Variants in PIAS1 observed in about 807,000 individuals in gnomAD.
PIAS1 encodes the protein E3 SUMO-protein ligase PIAS1.
PIAS1 carries 6 observed loss-of-function variants against 71.3 expected under a neutral mutation model. That is an observed-to-expected ratio of 0.08 (90% CI 0.05 to 0.17). The LOEUF (loss-of-function observed/expected upper bound fraction) is 0.17, where lower values mean the gene tolerates loss of function less well. Ranked by LOEUF, PIAS1 falls within the 10% of genes least tolerant of loss-of-function variation. PIAS1 has a pLI of 1.00. For synonymous variants in PIAS1, 303 were observed against 292.9 expected, an observed-to-expected ratio of 1.03 and a Z score of -0.35; for missense variants, 555 against 793.6, an observed-to-expected ratio of 0.70 and a Z score of 3.61.
chr15:68,059,732 AAAG>A (rs908846576), intron 1 of PIAS1, among the ~76,000 whole-genome samples: 2 of 150,138 alleles, frequency 1.3e-5, no homozygotes, highest in African/African-American at 4.9e-5. Context: ...AAAAAAAAAG[AAAG>A]CAATACAAAT....
Position 68,167,243 on chromosome 15 carries a change from T to C in PIAS1, c.1008+2439T>C, listed in dbSNP as rs755670697. ...TGTAAAATGTATAATTATAATACTT[T>C]CATGGGTTTCTATTTGGCTAAAGGG... On this transcript the variant is annotated intron_variant, in intron 8 of 13. Transcript: ENST00000249636. The surrounding 1 kb of genome is among the most constrained non-coding windows in gnomAD (Gnocchi z 4.4). 6.6e-6 allele frequency among the ~76,000 whole-genome samples: 1 copy of C among 152,168 alleles called. No individual in the cohort carries two copies. The highest frequency in any genetic ancestry group is 1.5e-5 in the Non-Finnish European group (1 of 68,026).
At chr15:68,141,542 A>G (rs1284112884) in intron 2 of PIAS1, among the ~76,000 whole-genome samples, 1 of 152,192 alleles carries the variant, frequency 6.6e-6, no homozygotes, top group Non-Finnish European at 1.5e-5. Context: ...TCACCTGTCT[A>G]GCTCTCAAGG....
rs947749341 is a variant in PIAS1, at chr15:68,193,258, T to G, written c.*5423T>G. ...TCTTGAGCTCTGCAAGGCCAGTCAA[T>G]TTAGCAGCTCACATCTGGTTTCCTT... On this transcript the variant is annotated 3_prime_UTR_variant, in exon 14 of 14. Transcript: ENST00000249636. 3 of 152,258 alleles carry G rather than the reference T, an allele frequency of 2.0e-5. No individual in the cohort carries two copies. Among genetic ancestry groups the G allele is most frequent in the African/African-American group, 7.2e-5 (3 of 41,432 alleles). 9.4% of individuals were successfully genotyped at this position (152,258 alleles called of 1,614,324 possible).
In PIAS1 at chr15:68,190,900, A is replaced by G. The variant is rs1270016038; in HGVS notation, c.*3065A>G. ...ATTCACGTAAGCTCTGAAAAATCGGATTCTTTGGCAGATTTTCCTTTGAGT... is the reference window on the plus strand; with the variant it reads ...ATTCACGTAAGCTCTGAAAAATCGGGTTCTTTGGCAGATTTTCCTTTGAGT... On this transcript the variant is annotated 3_prime_UTR_variant, in exon 14 of 14. Transcript: ENST00000249636. The surrounding 1 kb of genome is among the most constrained non-coding windows in gnomAD (Gnocchi z 4.7). 1 of 152,182 alleles carries G rather than the reference A, an allele frequency of 6.6e-6. No individual in the cohort carries two copies. Among genetic ancestry groups the G allele is most frequent in the Non-Finnish European group, 1.5e-5 (1 of 68,014 alleles). 9.4% of individuals were successfully genotyped at this position (152,182 alleles called of 1,614,324 possible). A position where few individuals can be genotyped will look rare whatever the true frequency, so the allele number is the denominator to read the frequency against.
At position 68,141,179 on chromosome 15, in the gene PIAS1, A is replaced by G. The variant is rs2092767250; in HGVS notation, c.470-767A>G. ...GTGCCACTGTACTCCAGCCTGGGCA[A>G]CAGAGCAAGACCCTGTCTCTTAAAA... On this transcript the variant is annotated intron_variant, in intron 2 of 13. Transcript: ENST00000249636. 2.0e-5 allele frequency among the ~76,000 whole-genome samples: 3 copies of G among 152,222 alleles called. No homozygotes were observed. In the South Asian group the frequency reaches 6.2e-4, roughly 32 times the overall value.
At chr15:68,181,732 G>A in intron 12 of PIAS1, 1 of 170,746 alleles carries the variant, frequency 5.9e-6, no homozygotes, top group Non-Finnish European at 1.3e-5. Context: ...CTGGAGTGCG[G>A]TGGCACGATC....
chr15:68,054,617 A>G lies in PIAS1; in HGVS notation c.24+267A>G. Reference sequence around the variant, plus strand: ...TGGCGGGGGTGGCGGGGGAAGAGATAGGGAGTCCGGAGGTAGGGGCTGCAG... The same window carrying G: ...TGGCGGGGGTGGCGGGGGAAGAGATGGGGAGTCCGGAGGTAGGGGCTGCAG... On this transcript the variant is annotated intron_variant, in intron 1 of 13. Coordinates refer to ENST00000249636, the MANE Select transcript of PIAS1 (RefSeq NM_016166.3). This position sits in a 1 kb window ranked among gnomAD's most constrained non-coding sequence, Gnocchi z 4.6. 2.5e-6 allele frequency: 1 copy of G among 395,142 alleles called. No homozygotes were observed. The highest frequency in any genetic ancestry group is 4.3e-5 in the East Asian group (1 of 23,480). The allele number at this position is 395,142 out of a possible 1,614,324, so 24.5% of individuals were successfully genotyped here.
At chr15:68,063,179 C>T (rs1419583479) in intron 1 of PIAS1, among the ~76,000 whole-genome samples, 1 of 152,276 alleles carries the variant, frequency 6.6e-6, no homozygotes, top group African/African-American at 2.4e-5. Flanking sequence ...TCTGGCAGTG[C>T]TCAGCCAAAG....
intron 12 of PIAS1, among the ~76,000 whole-genome samples, chr15:68,182,424 T>TTGTGTGTG (rs1567080853): frequency 3.1e-5 from 2 of 63,770 alleles, no homozygotes; most frequent in East Asian, 1.0e-3. Flanking sequence ...AAGTTACAGC[T>TTGTGTGTG]AGTGTGTGTG....
At chr15:68,124,427 G>A (rs1220957014) in intron 2 of PIAS1, among the ~76,000 whole-genome samples, 6 of 143,232 alleles carry the variant, frequency 4.2e-5, no homozygotes, top group Admixed American at 3.6e-4. Flanking sequence ...TTCATTCAAA[G>A]TTATAAATGA....
intron 1 of PIAS1, among the ~76,000 whole-genome samples, chr15:68,066,510 C>G (rs1567024623): frequency 6.6e-6 from 1 of 152,180 alleles, no homozygotes; most frequent in African/African-American, 2.4e-5. Context: ...GAGCTTAGCT[C>G]TTACCAAATA....
chr15:68,064,483 C>T (rs1430593450), intron 1 of PIAS1, among the ~76,000 whole-genome samples: 3 of 152,072 alleles, frequency 2.0e-5, no homozygotes, highest in Admixed American at 2.0e-4. Flanking sequence ...CAAAATCATG[C>T]CTGGATAAAA....
At position 68,189,224 on chromosome 15, in the gene PIAS1, G is replaced by A. The variant is rs920618697; in HGVS notation, c.*1389G>A. 1.3e-5 allele frequency: 2 copies of A among 152,156 alleles called. No homozygotes were observed. The highest frequency in any genetic ancestry group is 2.9e-5 in the Non-Finnish European group (2 of 68,024). 9.4% of individuals were successfully genotyped at this position (152,156 alleles called of 1,614,324 possible). A position where few individuals can be genotyped will look rare whatever the true frequency, so the allele number is the denominator to read the frequency against. On this transcript the variant is annotated 3_prime_UTR_variant, in exon 14 of 14. Transcript: ENST00000249636. ...TCAGGAGAGAAATATGAGTTGGAGG[G>A]AAGGAAAAGTGGTTCTACTAATGTT... is the stretch of plus-strand genomic sequence containing the variant.
chr15:68,092,392 G>C (rs1409078826), intron 2 of PIAS1, among the ~76,000 whole-genome samples: 1 of 152,032 alleles, frequency 6.6e-6, no homozygotes. Context: ...GGCTTGTCTT[G>C]AACTTCTGAT....
chr15:68,161,183 A>G (rs1567070274), intron 7 of PIAS1, among the ~76,000 whole-genome samples: 1 of 152,236 alleles, frequency 6.6e-6, no homozygotes, highest in Non-Finnish European at 1.5e-5. Flanking sequence ...ATTGAAATTC[A>G]AAAAAGATTT....
intron 1 of PIAS1, among the ~76,000 whole-genome samples, chr15:68,069,579 G>A (rs145015274): frequency 0.02 from 3,083 of 152,126 alleles, 90 homozygotes; most frequent in African/African-American, 0.068. Flanking sequence ...GAGGCGGGCG[G>A]ATGACAAGGT....
chr15:68,065,914 G>GTTTT (rs1567024257), intron 1 of PIAS1, among the ~76,000 whole-genome samples: 2 of 32,152 alleles, frequency 6.2e-5, no homozygotes, highest in African/African-American at 1.5e-4. Context: ...CTGACTAAAA[G>GTTTT]CTTTTTTTTT....
intron 2 of PIAS1, among the ~76,000 whole-genome samples, chr15:68,129,835 A>ACACT (rs1008514645): frequency 1.4e-5 from 2 of 141,894 alleles, no homozygotes; most frequent in African/African-American, 5.3e-5. Flanking sequence ...ACACACACAC[A>ACACT]CTCTTACATA....
chr15:68,188,096 A>C lies in PIAS1; in HGVS notation c.*261A>C. The C allele has an allele frequency of 3.7e-6, 1 of 267,370 alleles. No homozygotes were observed. Among genetic ancestry groups the C allele is most frequent in the Non-Finnish European group, 7.0e-6 (1 of 142,068 alleles). 16.6% of individuals were successfully genotyped at this position (267,370 alleles called of 1,614,324 possible). A position where few individuals can be genotyped will look rare whatever the true frequency, so the allele number is the denominator to read the frequency against. On this transcript the variant is annotated 3_prime_UTR_variant, in exon 14 of 14. Transcript: ENST00000249636. ...AAAAAGGAAAGAAAAGAAAAAAGAA[A>C]AACAAGCACCCACAAACCACCTTCA...
Sources: gnomAD v4.1 joint callset for allele counts (sites outside exome capture counted in the v4.1 genomes callset) on GRCh38, gnomAD v4.1.1 for gene constraint, Gnocchi (gnomAD v3.1) non-coding constraint, MANE v1.5 for transcripts, NCBI Gene and HGNC (gene_info 2026-07-23, HGNC 2026-07-21) for gene names.